ALG9: variants seen among roughly 807,000 people sequenced by gnomAD.
The protein encoded by ALG9 is alpha-1,2-mannosyltransferase ALG9.
A neutral mutation model predicts 81.8 loss-of-function variants in ALG9; 55 were observed. The ratio of observed to expected loss-of-function variants is 0.67; its 90% confidence interval spans 0.54 to 0.84. The LOEUF (loss-of-function observed/expected upper bound fraction) is 0.84, where lower values mean the gene tolerates loss of function less well. Ranked by LOEUF, ALG9 falls within the 40% of genes least tolerant of loss-of-function variation. The pLI is 0.00. For missense variants in ALG9, 629 were observed against 745.0 expected (o/e 0.84, Z 1.81); for synonymous variants, 278 against 274.3 (o/e 1.01, Z -0.13).
At chr11:111,837,645 G>A in intron 11 of ALG9, 30 bp from the exon 12 acceptor site, 3 of 1,610,876 alleles carry the variant, frequency 1.9e-6, no homozygotes, top group Non-Finnish European at 2.5e-6. Flanking sequence ...GTGAGAGCCA[G>A]AGATGAGTAA....
chr11:111,789,448 C>T (rs1239922679), intron 14 of ALG9, among the ~76,000 whole-genome samples: 1 of 151,704 alleles, frequency 6.6e-6, no homozygotes, highest in Non-Finnish European at 1.5e-5. Flanking sequence ...TTATGTTGTC[C>T]AGGCTGGCCT....
At chr11:111,768,091 CAAT>C in the ALG9 span, among the ~76,000 whole-genome samples, 2 of 152,132 alleles carry the variant, frequency 1.3e-5, no homozygotes, top group Non-Finnish European at 2.9e-5. Flanking sequence ...TTTAAAATGA[CAAT>C]GATACTTTCA....
chr11:111,827,363 C>T (rs1228753815), intron 13 of ALG9, among the ~76,000 whole-genome samples: 5 of 152,028 alleles, frequency 3.3e-5, no homozygotes, highest in African/African-American at 1.2e-4. Flanking sequence ...GTAATCCCAG[C>T]TCCTTGGAAG....
chr11:111,779,402 GC>G (rs1945804277), downstream of ALG9, among the ~76,000 whole-genome samples: 1 of 152,028 alleles, frequency 6.6e-6, no homozygotes, highest in African/African-American at 2.4e-5. Context: ...CTGAAGGTCT[GC>G]AAAAAACCCT....
At chr11:111,836,415 G>T in intron 12 of ALG9, 121 bp from the exon 13 acceptor site, 1 of 1,320,834 alleles carries the variant, frequency 7.6e-7, no homozygotes, top group Non-Finnish European at 1.1e-6. Flanking sequence ...AAATATTTCT[G>T]CTAAAACCTC....
intron 13 of ALG9, among the ~76,000 whole-genome samples, chr11:111,812,434 G>A (rs149559596): frequency 1.3e-5 from 2 of 152,298 alleles, no homozygotes; most frequent in Non-Finnish European, 2.9e-5. Context: ...GGGCATGGTG[G>A]TATGTACCAA....
rs782227359 is a variant in ALG9, at chr11:111,868,633, G to A, written c.374C>T (p.Ala125Val). 4 of 1,613,992 alleles carry A rather than the reference G, an allele frequency of 2.5e-6. No homozygotes were observed. The highest frequency in any genetic ancestry group is 2.2e-5 in the South Asian group (2 of 91,088). The change falls in exon 3 of 15, where the codon GCA becomes GTA. Residue 125 changes from alanine (A) to valine (V), a missense_variant. Ala to Val is a moderately conservative substitution (Grantham distance 64). Transcript: ENST00000616540. ...AYLLLHAWPA[A>V]FHARILQTNK... ...AGTTTGTAGAATTCTTGCATGAAAT[G>A]CAGCTGGCCAGGCATGAAGCAACAG...
chr11:111,799,364 A>C (rs1413882787), intron 14 of ALG9, among the ~76,000 whole-genome samples: 1 of 151,628 alleles, frequency 6.6e-6, no homozygotes, highest in East Asian at 1.9e-4. Context: ...GGATGGTCTC[A>C]ATCTCTTCAC....
chr11:111,862,847 C>T (rs1960816179), intron 4 of ALG9, among the ~76,000 whole-genome samples: 1 of 151,804 alleles, frequency 6.6e-6, no homozygotes, highest in Non-Finnish European at 1.5e-5. Context: ...ACATTATATT[C>T]CTATTTCCCA....
At chr11:111,858,784 G>GT (rs1337341000) in intron 5 of ALG9, among the ~76,000 whole-genome samples, 1 of 152,188 alleles carries the variant, frequency 6.6e-6, no homozygotes, top group Non-Finnish European at 1.5e-5. Flanking sequence ...AGGCAGTGAG[G>GT]TTTTTTTAAA....
chr11:111,833,295 G>C (rs1310083352), intron 13 of ALG9, among the ~76,000 whole-genome samples: 11 of 152,156 alleles, frequency 7.2e-5, no homozygotes, highest in African/African-American at 2.7e-4. Flanking sequence ...TTTAGATCTT[G>C]ATTCTGGCAG....
chr11:111,797,073 A>G (rs905119635), intron 14 of ALG9, among the ~76,000 whole-genome samples: 2 of 152,174 alleles, frequency 1.3e-5, no homozygotes, highest in Non-Finnish European at 2.9e-5. Context: ...AGTTTATCCA[A>G]TTTGGATGGA....
intron 14 of ALG9, among the ~76,000 whole-genome samples, chr11:111,789,337 C>T (rs1394329053): frequency 1.3e-5 from 2 of 151,810 alleles, no homozygotes; most frequent in African/African-American, 4.8e-5. Flanking sequence ...CTGCAGCCTT[C>T]ACCTCCTGAG....
chr11:111,804,361 T>A (rs1368776785), intron 14 of ALG9, among the ~76,000 whole-genome samples: 1 of 152,136 alleles, frequency 6.6e-6, no homozygotes, highest in Non-Finnish European at 1.5e-5. Flanking sequence ...AGCCACAGAC[T>A]GGGAGAAAAT....
Position 111,784,764 on chromosome 11 carries a change from C to T in ALG9, c.*1633G>A, listed in dbSNP as rs1946297000. The T allele has an allele frequency of 6.6e-6, 1 of 152,048 alleles. No homozygotes were observed. The highest frequency in any genetic ancestry group is 1.5e-5 in the Non-Finnish European group (1 of 68,006). 9.4% of individuals were successfully genotyped at this position (152,048 alleles called of 1,614,324 possible). A position where few individuals can be genotyped will look rare whatever the true frequency, so the allele number is the denominator to read the frequency against. Reference sequence around the variant, plus strand: ...AGATGGAACTTCTGAAAAATAGATTCATCCTATTTGCAGATATTCAGATCA... The same window carrying T: ...AGATGGAACTTCTGAAAAATAGATTTATCCTATTTGCAGATATTCAGATCA... On this transcript the variant is annotated 3_prime_UTR_variant, in exon 15 of 15. Transcript: ENST00000616540.
intron 13 of ALG9, among the ~76,000 whole-genome samples, chr11:111,820,054 A>G (rs1952088184): frequency 6.6e-6 from 1 of 152,234 alleles, no homozygotes; most frequent in African/African-American, 2.4e-5. Flanking sequence ...AGATCACATC[A>G]TATCGTAATA....
chr11:111,800,672 T>C (rs11214006), intron 14 of ALG9, among the ~76,000 whole-genome samples: 48 of 152,168 alleles, frequency 3.2e-4, no homozygotes, highest in African/African-American at 1.1e-3. Context: ...TTACAACACA[T>C]AACACATTTT....
At chr11:111,871,067 C>T in intron 1 of ALG9, 1 of 1,174,444 alleles carries the variant, frequency 8.5e-7, no homozygotes. Context: ...TTGATCCTGT[C>T]TACATCTCCC....
chr11:111,808,020 A>T (rs1555087010), intron 14 of ALG9, among the ~76,000 whole-genome samples: 1 of 152,164 alleles, frequency 6.6e-6, no homozygotes, highest in Non-Finnish European at 1.5e-5. Flanking sequence ...CAGTGAGCTG[A>T]GATTGTGCCT....
Sources: gnomAD v4.1 joint callset for allele counts (sites outside exome capture counted in the v4.1 genomes callset) on GRCh38, gnomAD v4.1.1 for gene constraint, MANE v1.5 for transcripts, NCBI Gene and HGNC (gene_info 2026-07-23, HGNC 2026-07-21) for gene names.